The following SHISAL1 variants were observed in gnomAD, a reference collection of about 807,000 sequenced individuals.
The protein encoded by SHISAL1 is shisa like 1, also known as protein shisa-like-1.
In SHISAL1, 9 loss-of-function variants were observed where a neutral mutation model predicts 22.6. The ratio of observed to expected loss-of-function variants is 0.40; its 90% CI spans 0.24 to 0.70. SHISAL1 has a LOEUF of 0.70. SHISAL1 is among the 30% of genes least tolerant of loss of function. The pLI is 0.39. For missense variants in SHISAL1, 246 were observed against 270.6 expected, an observed-to-expected ratio of 0.91 and a Z score of 0.64; for synonymous variants, 119 against 115.4, an observed-to-expected ratio of 1.03 and a Z score of -0.20.
At chr22:44,331,073 G>A in the SHISAL1 span, among the ~76,000 whole-genome samples, 1 of 152,048 alleles carries the variant, frequency 6.6e-6, no homozygotes, top group African/African-American at 2.4e-5. The surrounding 1 kb of genome is among the most constrained non-coding windows in gnomAD (Gnocchi z 5.2). Context: ...CCTTGGACGC[G>A]GATTCCGGTC....
At chr22:44,266,333 G>C (rs1308075173) in intron 4 of SHISAL1, among the ~76,000 whole-genome samples, 2 of 151,918 alleles carry the variant, frequency 1.3e-5, no homozygotes, top group Non-Finnish European at 2.9e-5. Flanking sequence ...TATCTTGATG[G>C]GCCACCTAGA....
At chr22:44,283,903 C>T (rs758063922) in intron 4 of SHISAL1, among the ~76,000 whole-genome samples, 2 of 152,030 alleles carry the variant, frequency 1.3e-5, no homozygotes, top group South Asian at 4.1e-4. Context: ...TTCAGAACAC[C>T]CCACTCTTGG....
upstream of SHISAL1, among the ~76,000 whole-genome samples, chr22:44,316,823 A>G (rs1224643396): frequency 1.3e-5 from 2 of 152,150 alleles, no homozygotes; most frequent in Non-Finnish European, 2.9e-5. Flanking sequence ...CTGGGCAGCT[A>G]CCTGGCCCTG....
intron 4 of SHISAL1, among the ~76,000 whole-genome samples, chr22:44,261,077 TTATATATATATA>T (rs56290835): frequency 1.5e-4 from 16 of 108,740 alleles, no homozygotes; most frequent in African/African-American, 5.7e-4. Context: ...CTTCATTACT[TTATATATATATA>T]TATATATATA....
chr22:44,293,689 T>G (rs746241632), intron 3 of SHISAL1, among the ~76,000 whole-genome samples: 55 of 152,306 alleles, frequency 3.6e-4, no homozygotes, highest in Middle Eastern at 3.4e-3. Flanking sequence ...AACTGCTCTG[T>G]GCCTCCCCTT....
upstream of SHISAL1, among the ~76,000 whole-genome samples, chr22:44,314,820 T>C (rs113255992): frequency 1.4e-4 from 21 of 152,248 alleles, no homozygotes; most frequent in South Asian, 6.2e-4. Flanking sequence ...CATGGTGTTA[T>C]GGCCAAACAC....
chr22:44,286,635 G>A (rs948284100), intron 3 of SHISAL1, among the ~76,000 whole-genome samples: 2 of 152,194 alleles, frequency 1.3e-5, no homozygotes, highest in South Asian at 2.1e-4. Context: ...ACCCTCCTAC[G>A]CAGCTGGGTC....
chr22:44,303,257 A>G (rs2055445561), intron 1 of SHISAL1, among the ~76,000 whole-genome samples: 1 of 152,000 alleles, frequency 6.6e-6, no homozygotes, highest in Non-Finnish European at 1.5e-5. Context: ...TGGTATGTGA[A>G]TTGTGTTCCC....
intron 3 of SHISAL1, among the ~76,000 whole-genome samples, chr22:44,286,307 C>T (rs76424780): frequency 0.039 from 5,895 of 152,296 alleles, 376 homozygotes; most frequent in African/African-American, 0.13. Flanking sequence ...TCACTCAACA[C>T]GACCAGGCTG....
At chr22:44,270,522 AG>A (rs1219497748) in intron 4 of SHISAL1, among the ~76,000 whole-genome samples, 1 of 152,146 alleles carries the variant, frequency 6.6e-6, no homozygotes, top group African/African-American at 2.4e-5. Context: ...TGGGCAGTGA[AG>A]GTCCAGAGGG....
rs1398845189 is a variant in SHISAL1, at chr22:44,247,906, C to CCACCTGGCTTTCTTGTGT, written c.*1778_*1779insACACAAGAAAGCCAGGTG. On this transcript the variant is annotated 3_prime_UTR_variant, in exon 5 of 5. Coordinates refer to ENST00000381176, the MANE Select transcript of SHISAL1 (RefSeq NM_001099294.2). ...TCTTGTGCCACCTGGCTTTCTTGTG[C>CCACCTGGCTTTCTTGTGT]TTCCTTGAAACCACCAAGCCTGTGG... The CCACCTGGCTTTCTTGTGT allele has an allele frequency of 1.3e-5, 2 of 152,274 alleles. No homozygotes were observed. The highest frequency in any genetic ancestry group is 4.8e-5 in the African/African-American group (2 of 41,440). The allele number at this position is 152,274 out of a possible 1,614,324, so 9.4% of individuals were successfully genotyped here.
At chr22:44,298,902 C>G (rs1268986681) in intron 2 of SHISAL1, among the ~76,000 whole-genome samples, 1 of 152,328 alleles carries the variant, frequency 6.6e-6, no homozygotes, top group African/African-American at 2.4e-5. Flanking sequence ...GAAGCCTCCC[C>G]GGCTGCCTTC....
chr22:44,311,835 T>G lies in SHISAL1; in HGVS notation c.-33+916A>C, dbSNP rs541382742. On this transcript the variant is annotated intron_variant, in intron 1 of 4. Coordinates refer to ENST00000381176, the MANE Select transcript of SHISAL1 (RefSeq NM_001099294.2). ...TTGGCCGAGACAATCATGGGCCTTC[T>G]TCAGCTCAACAACCCTTTGTTTCTC... is the stretch of plus-strand genomic sequence containing the variant. Among the ~76,000 whole-genome samples, 144 of 152,358 alleles carry G rather than the reference T, an allele frequency of 9.5e-4. 1 individual carries two copies. Among genetic ancestry groups the G allele is most frequent in the African/African-American group, 3.3e-3 (137 of 41,588 alleles).
intron 4 of SHISAL1, among the ~76,000 whole-genome samples, chr22:44,267,037 G>A (rs1489633295): frequency 3.3e-5 from 5 of 152,152 alleles, no homozygotes; most frequent in Admixed American, 6.5e-5. Context: ...ACAGGACGGT[G>A]CCTGGTATGT....
intron 4 of SHISAL1, among the ~76,000 whole-genome samples, chr22:44,257,985 CA>C (rs1200546791): frequency 1.3e-5 from 2 of 152,148 alleles, no homozygotes; most frequent in East Asian, 3.9e-4. Context: ...ACTAAAAATA[CA>C]AAAATAAGCT....
chr22:44,276,364 CA>C (rs1277710997), intron 4 of SHISAL1, among the ~76,000 whole-genome samples: 1 of 152,074 alleles, frequency 6.6e-6, no homozygotes, highest in African/African-American at 2.4e-5. Context: ...GCGGTGGAGT[CA>C]GATCACATTG....
At chr22:44,281,187 C>G (rs1419996846) in intron 4 of SHISAL1, among the ~76,000 whole-genome samples, 8 of 152,268 alleles carry the variant, frequency 5.3e-5, no homozygotes, top group Admixed American at 4.6e-4. Context: ...AGCCCAGACC[C>G]TGTCCCAGAC....
intron 4 of SHISAL1, among the ~76,000 whole-genome samples, chr22:44,271,804 T>C (rs1381494690): frequency 6.6e-6 from 1 of 152,162 alleles, no homozygotes; most frequent in Non-Finnish European, 1.5e-5. Flanking sequence ...GCTTCTTCCA[T>C]ATTACTCTTG....
At chr22:44,318,296 A>G in the SHISAL1 span, among the ~76,000 whole-genome samples, 2 of 152,264 alleles carry the variant, frequency 1.3e-5, no homozygotes, top group Admixed American at 1.3e-4. Flanking sequence ...ATGGAAGTCT[A>G]ATTAGTGTGC....
Sources: gnomAD v4.1 joint callset for allele counts (sites outside exome capture counted in the v4.1 genomes callset) on GRCh38, gnomAD v4.1.1 for gene constraint, Gnocchi (gnomAD v3.1) non-coding constraint, MANE v1.5 for transcripts, NCBI Gene and HGNC (gene_info 2026-07-23, HGNC 2026-07-21) for gene names.